The following NBAS variants were observed in gnomAD, a reference collection of about 807,000 sequenced individuals.
NBAS encodes NAG/BC035112 fusion.
NBAS carries 219 observed loss-of-function variants against 302.5 expected under a neutral mutation model. The observed-to-expected ratio is 0.72, with a 90% CI of 0.65 to 0.81. The LOEUF (loss-of-function observed/expected upper bound fraction) is 0.81. Among genes scored for constraint, NBAS ranks in the 30% least tolerant of loss-of-function variants. The probability of loss-of-function intolerance (pLI) is 0.00; values close to 1 mark genes in which losing one functional copy is unlikely to be tolerated. For synonymous variants in NBAS, 1,118 were observed against 1,021.6 expected, an observed-to-expected ratio of 1.09 and a Z score of -1.80; for missense variants, 2,932 against 2,841.6, an observed-to-expected ratio of 1.03 and a Z score of -0.72.
At chr2:15,071,539 G>C in the NBAS span, among the ~76,000 whole-genome samples, 1 of 151,086 alleles carries the variant, frequency 6.6e-6, no homozygotes, top group Non-Finnish European at 1.5e-5. Flanking sequence ...CAGAAGAATC[G>C]CTTGAACTCG....
chr2:15,430,972 C>A (rs922118939), intron 21 of NBAS, among the ~76,000 whole-genome samples: 82 of 151,784 alleles, frequency 5.4e-4, no homozygotes, highest in African/African-American at 1.9e-3. Flanking sequence ...GTAGGCCCGG[C>A]TAATTTTTTT....
chr2:15,293,583 A>G (rs2148115511), intron 40 of NBAS, among the ~76,000 whole-genome samples: 1 of 152,290 alleles, frequency 6.6e-6, no homozygotes, highest in Admixed American at 6.5e-5. Context: ...TAATACTTGA[A>G]CAGCATTAAT....
chr2:14,780,136 C>A, the NBAS span, among the ~76,000 whole-genome samples: 1 of 152,164 alleles, frequency 6.6e-6, no homozygotes, highest in African/African-American at 2.4e-5. Context: ...AGCATTTAAC[C>A]TCCCCAAACA....
chr2:15,351,321 T>G (rs995448940), intron 35 of NBAS, among the ~76,000 whole-genome samples: 65 of 152,054 alleles, frequency 4.3e-4, no homozygotes, highest in African/African-American at 1.5e-3. Context: ...GTCACAAAGA[T>G]CTGGTTATCA....
the NBAS span, among the ~76,000 whole-genome samples, chr2:14,807,027 A>G: frequency 6.6e-6 from 1 of 151,760 alleles, no homozygotes. Flanking sequence ...TTCTCTACAG[A>G]AAAAAAACAA....
chr2:15,369,815 A>T (rs1674396698), intron 31 of NBAS, among the ~76,000 whole-genome samples: 1 of 152,178 alleles, frequency 6.6e-6, no homozygotes, highest in Non-Finnish European at 1.5e-5. Flanking sequence ...AAACACACGT[A>T]TACACACACA....
At chr2:14,970,455 C>G in the NBAS span, among the ~76,000 whole-genome samples, 2 of 152,142 alleles carry the variant, frequency 1.3e-5, no homozygotes, top group Non-Finnish European at 2.9e-5. Flanking sequence ...GGAATAATAA[C>G]AGCACCTAAC....
At chr2:14,849,323 G>C in the NBAS span, among the ~76,000 whole-genome samples, 11 of 151,866 alleles carry the variant, frequency 7.2e-5, no homozygotes, top group African/African-American at 2.7e-4. Flanking sequence ...TGGAAGAAAG[G>C]GTATCAGCAA....
chr2:15,327,866 T>C lies in NBAS; in HGVS notation c.4466A>G (p.Glu1489Gly), dbSNP rs1672145136. 1.9e-6 allele frequency: 3 copies of C among 1,613,594 alleles called. No individual in the cohort carries two copies. Among genetic ancestry groups the C allele is most frequent in the Non-Finnish European group, 2.5e-6 (3 of 1,179,738 alleles). Residue 1489 changes from glutamate to glycine, a missense_variant, in exon 38 of 52, where the codon GAA becomes GGA. Physicochemically the swap from Glu to Gly is moderately conservative, Grantham distance 98. Transcript: ENST00000281513. ...ATGCTGATAGGTGTCATAGGTCCCT[T>C]CAGACTACACAAAAGAAGCAGTTTC... ...VISNPFVAES[E>G]GTYDTYQHVP...
At chr2:15,016,209 C>A in the NBAS span, among the ~76,000 whole-genome samples, 12 of 152,012 alleles carry the variant, frequency 7.9e-5, no homozygotes, top group Non-Finnish European at 1.6e-4. Context: ...TGGCAGCAGG[C>A]AAGAGACAAT....
At chr2:15,059,953 A>AC in the NBAS span, among the ~76,000 whole-genome samples, 1 of 95,598 alleles carries the variant, frequency 1.0e-5, no homozygotes, top group Non-Finnish European at 1.9e-5. Context: ...CTGCTAAAAA[A>AC]AAAAAAAAAA....
intron 32 of NBAS, among the ~76,000 whole-genome samples, chr2:15,362,687 A>C (rs1004816309): frequency 6.6e-6 from 1 of 152,194 alleles, no homozygotes; most frequent in Non-Finnish European, 1.5e-5. Flanking sequence ...TAACATTGAA[A>C]TGTTTGCATT....
chr2:15,536,460 A>C lies in NBAS; in HGVS notation c.605T>G (p.Leu202Arg). 6.2e-7 allele frequency: 1 copy of C among 1,613,802 alleles called. No homozygotes were observed. Among genetic ancestry groups the C allele is most frequent in the Non-Finnish European group, 8.5e-7 (1 of 1,179,978 alleles). The change falls in exon 8 of 52, where the codon CTG becomes CGG. Residue 202 changes from leucine to arginine, a missense_variant. Transcript: ENST00000281513. ...AAGTTCTCCTCGGTAATTGATGACC[A>C]GGAGTTCTGCAGACCACTGTGCACT... Reference protein sequence around the residue: ...KASAQWSAELLVINYRGELRS... With the variant: ...KASAQWSAELRVINYRGELRS...
chr2:15,043,930 G>A, the NBAS span, among the ~76,000 whole-genome samples: 7 of 152,046 alleles, frequency 4.6e-5, no homozygotes, highest in East Asian at 1.9e-4. Flanking sequence ...TGATGCATTC[G>A]GGCAGAGATC....
At chr2:14,931,983 AT>A in the NBAS span, among the ~76,000 whole-genome samples, 1 of 152,102 alleles carries the variant, frequency 6.6e-6, no homozygotes, top group African/African-American at 2.4e-5. Flanking sequence ...ACAGCCCATC[AT>A]TTTTAGTTCA....
chr2:15,140,694 G>A, the NBAS span, among the ~76,000 whole-genome samples: 1 of 152,154 alleles, frequency 6.6e-6, no homozygotes, highest in Non-Finnish European at 1.5e-5. Flanking sequence ...ACATGACCCT[G>A]GTGGATATGC....
the NBAS span, among the ~76,000 whole-genome samples, chr2:14,848,543 G>A: frequency 0.048 from 5,699 of 119,324 alleles, 621 homozygotes; most frequent in African/African-American, 0.16. Context: ...TAAACAAAGC[G>A]GCCAGGAAGC....
chr2:14,961,460 C>A, the NBAS span, among the ~76,000 whole-genome samples: 1 of 152,062 alleles, frequency 6.6e-6, no homozygotes, highest in African/African-American at 2.4e-5. Flanking sequence ...CCTCTCTGCC[C>A]ATGTGATCAG....
intron 44 of NBAS, among the ~76,000 whole-genome samples, chr2:15,239,418 T>C (rs995651959): frequency 8.6e-5 from 13 of 150,652 alleles, no homozygotes; most frequent in African/African-American, 3.2e-4. Flanking sequence ...TATATATATA[T>C]ATGTTGAGTA....
Sources: gnomAD v4.1 joint callset for allele counts (sites outside exome capture counted in the v4.1 genomes callset) on GRCh38, gnomAD v4.1.1 for gene constraint, MANE v1.5 for transcripts, NCBI Gene and HGNC (gene_info 2026-07-23, HGNC 2026-07-21) for gene names.